The following NCKAP5 variants were observed in gnomAD, a reference collection of about 807,000 sequenced individuals.
The protein encoded by NCKAP5 is NCK associated protein 5, also known as nck-associated protein 5.
NCKAP5 carries 92 observed loss-of-function variants against 167.0 expected under a neutral mutation model. The ratio of observed to expected loss-of-function variants is 0.55; its 90% CI spans 0.47 to 0.66. The LOEUF (loss-of-function observed/expected upper bound fraction) is 0.66. Among genes scored for constraint, NCKAP5 ranks in the 30% least tolerant of loss-of-function variants. NCKAP5 has a pLI of 0.00. For synonymous variants in NCKAP5, 891 were observed against 877.4 expected (o/e 1.02, Z -0.27); for missense variants, 2,378 against 2,315.0 (o/e 1.03, Z -0.56).
intron 6 of NCKAP5, among the ~76,000 whole-genome samples, chr2:133,046,496 A>T (rs963643747): frequency 6.6e-6 from 1 of 152,010 alleles, no homozygotes; most frequent in African/African-American, 2.4e-5. Context: ...CTCCGACCTT[A>T]GCCTTCCAAG....
chr2:133,033,851 G>C (rs968894960), intron 6 of NCKAP5, among the ~76,000 whole-genome samples: 1 of 151,862 alleles, frequency 6.6e-6, no homozygotes, highest in Non-Finnish European at 1.5e-5. Context: ...AAAAAACAAT[G>C]AACCAGACCT....
At chr2:133,432,781 G>C (rs1690240551) in intron 3 of NCKAP5, among the ~76,000 whole-genome samples, 1 of 152,170 alleles carries the variant, frequency 6.6e-6, no homozygotes, top group Non-Finnish European at 1.5e-5. Flanking sequence ...TATTCATGGT[G>C]AATGGATTAT....
At chr2:133,576,093 G>A in the NCKAP5 span, among the ~76,000 whole-genome samples, 1 of 152,198 alleles carries the variant, frequency 6.6e-6, no homozygotes, top group South Asian at 2.1e-4. Flanking sequence ...AGGCAAAATA[G>A]GTAGATTTGA....
chr2:133,354,614 T>C (rs1230052737), intron 3 of NCKAP5, among the ~76,000 whole-genome samples: 6 of 152,220 alleles, frequency 3.9e-5, no homozygotes, highest in Non-Finnish European at 5.9e-5. Context: ...TTATTAACGA[T>C]AGAAGCAATT....
At chr2:132,995,130 T>C (rs1376376933) in intron 6 of NCKAP5, among the ~76,000 whole-genome samples, 1 of 152,188 alleles carries the variant, frequency 6.6e-6, no homozygotes, top group Non-Finnish European at 1.5e-5. Context: ...CTGTGAACAC[T>C]GTACACTCTA....
chr2:132,839,757 CAAAAAAAA>C (rs59000613), intron 11 of NCKAP5, among the ~76,000 whole-genome samples: 3 of 63,080 alleles, frequency 4.8e-5, no homozygotes, highest in African/African-American at 1.8e-4. Context: ...GACCTTGTCT[CAAAAAAAA>C]AAAAAAAAAA....
chr2:132,908,680 C>T (rs893283095), intron 8 of NCKAP5, among the ~76,000 whole-genome samples: 5 of 152,182 alleles, frequency 3.3e-5, no homozygotes, highest in Non-Finnish European at 2.9e-5. Flanking sequence ...CTATAGTCCA[C>T]TGTTGCAGGA....
At chr2:132,871,517 C>T (rs1210001660) in intron 9 of NCKAP5, among the ~76,000 whole-genome samples, 4 of 152,146 alleles carry the variant, frequency 2.6e-5, no homozygotes, top group Non-Finnish European at 5.9e-5. Context: ...TGAAACCATT[C>T]TGGTAACGGT....
chr2:133,593,867 C>A, the NCKAP5 span, among the ~76,000 whole-genome samples: 1 of 152,200 alleles, frequency 6.6e-6, no homozygotes, highest in African/African-American at 2.4e-5. Flanking sequence ...GCAGCCCTCA[C>A]TTCCATACTA....
intron 6 of NCKAP5, among the ~76,000 whole-genome samples, chr2:133,071,376 C>T (rs1258091254): frequency 6.6e-6 from 1 of 151,886 alleles, no homozygotes; most frequent in East Asian, 1.9e-4. Flanking sequence ...ACCCGGGAGG[C>T]GGAGCTTGCA....
At chr2:133,572,225 T>C (rs1575173620), upstream of NCKAP5, among the ~76,000 whole-genome samples, 1 of 152,202 alleles carries the variant, frequency 6.6e-6, no homozygotes, top group Non-Finnish European at 1.5e-5. Context: ...AGTAAACTAA[T>C]ATGAACAGTG....
At position 133,226,914 on chromosome 2, in the gene NCKAP5, C is replaced by T. The variant is rs921315238; in HGVS notation, c.144-13135G>A. ...TATATTTTAATATAAAATCTATCAA[C>T]TATGTATGTTTGTACATAATCCATC... On this transcript the variant is annotated intron_variant, in intron 4 of 19. Transcript: ENST00000409261. Among the ~76,000 whole-genome samples the T allele has an allele frequency of 2.0e-5, 3 of 152,266 alleles. No individual in the cohort carries two copies. In the East Asian group the frequency reaches 5.8e-4, roughly 29 times the overall value.
chr2:133,247,043 G>A (rs753162340), intron 4 of NCKAP5, among the ~76,000 whole-genome samples: 5 of 152,170 alleles, frequency 3.3e-5, no homozygotes, highest in East Asian at 3.8e-4. Flanking sequence ...TATCTAGCAC[G>A]TTGTGAGGCC....
chr2:132,882,003 G>A (rs911841922), intron 8 of NCKAP5, among the ~76,000 whole-genome samples: 5 of 152,082 alleles, frequency 3.3e-5, no homozygotes, highest in Non-Finnish European at 5.9e-5. Flanking sequence ...ATAGGTAAGT[G>A]ATTTTCCTAT....
chr2:132,773,970 G>C, intron 15 of NCKAP5, 76 bp from the exon 16 acceptor site: 1 of 1,240,534 alleles, frequency 8.1e-7, no homozygotes, highest in Non-Finnish European at 1.2e-6. Context: ...CAGAGTAATG[G>C]TACATTCTAT....
chr2:133,124,363 T>C (rs540688480), intron 6 of NCKAP5, among the ~76,000 whole-genome samples: 1 of 152,280 alleles, frequency 6.6e-6, no homozygotes, highest in Admixed American at 6.5e-5. Flanking sequence ...ATTCCTGATA[T>C]TTGGGTTGTA....
intron 11 of NCKAP5, among the ~76,000 whole-genome samples, chr2:132,850,266 G>A (rs1474891227): frequency 1.3e-5 from 2 of 152,112 alleles, no homozygotes; most frequent in Admixed American, 6.5e-5. Flanking sequence ...TTTTTCCAAG[G>A]TGTAGCACAT....
At position 132,805,317 on chromosome 2, in the gene NCKAP5, G is replaced by A. The variant is rs570676711; in HGVS notation, c.808-8588C>T. 3.3e-5 allele frequency among the ~76,000 whole-genome samples: 5 copies of A among 152,276 alleles called. No individual in the cohort carries two copies. The East Asian group carries it at 9.7e-4, about 29-fold the overall frequency. ...ATAGTATCTGAACCCTGGACAGTCT[G>A]ACTGCAGAGTTCATGCTCTTAATTC... On this transcript the variant is annotated intron_variant, in intron 11 of 19. Transcript: ENST00000409261.
intron 8 of NCKAP5, among the ~76,000 whole-genome samples, chr2:132,952,016 G>A (rs554251272): frequency 2.0e-5 from 3 of 152,258 alleles, no homozygotes; most frequent in East Asian, 1.9e-4. Flanking sequence ...ACTTTGTAGA[G>A]TAAGGATTAA....
Sources: gnomAD v4.1 joint callset for allele counts (sites outside exome capture counted in the v4.1 genomes callset) on GRCh38, gnomAD v4.1.1 for gene constraint, MANE v1.5 for transcripts, NCBI Gene and HGNC (gene_info 2026-07-23, HGNC 2026-07-21) for gene names.